Variants in MRE11 observed in about 807,000 individuals in gnomAD.
MRE11 encodes MRE11 double strand break repair nuclease.
In MRE11, 62 loss-of-function variants were observed where a neutral mutation model predicts 91.7. The ratio of observed to expected loss-of-function variants is 0.68; its 90% CI spans 0.55 to 0.84. MRE11 has a LOEUF of 0.84. Ranked by LOEUF, MRE11 falls within the 40% of genes least tolerant of loss-of-function variation. The pLI is 0.00. For missense variants in MRE11, 796 were observed against 852.9 expected, an observed-to-expected ratio of 0.93 and a Z score of 0.83; for synonymous variants, 273 against 271.4, an observed-to-expected ratio of 1.01 and a Z score of -0.06.
rs1475909022 is a variant in MRE11 at position 94,491,004 on chromosome 11, A to G, written c.21-39T>C. 4 of 1,162,638 alleles carry G rather than the reference A, an allele frequency of 3.4e-6. No homozygotes were observed. The Admixed American group carries it at 5.9e-5, about 17-fold the overall frequency. 72.0% of individuals were successfully genotyped at this position (1,162,638 alleles called of 1,614,324 possible). A position where few individuals can be genotyped will look rare whatever the true frequency, so the allele number is the denominator to read the frequency against. ...GAAGAAACATTTCAATATATTAATA[A>G]TTCATTAAAGGATATTCAAACAAAT... On this transcript the variant is annotated intron_variant, in intron 2 of 19. Transcript: ENST00000323929.
In MRE11 at chr11:94,464,574, AAAAC is replaced by A. The variant is rs201300891; in HGVS notation, c.1099-339_1099-336del. Among the ~76,000 whole-genome samples, 894 of 152,314 alleles carry A rather than the reference AAAAC, an allele frequency of 5.9e-3. 5 individuals carry two copies. The highest frequency in any genetic ancestry group is 0.019 in the African/African-American group (802 of 41,578). Reference sequence around the variant, plus strand: ...TCTGAAAACAATTTTCTGAACTTTCAAAACAAACAAACAAACAAACACACACCAA... The same window carrying A: ...TCTGAAAACAATTTTCTGAACTTTCAAAACAAACAAACAAACACACACCAA... On this transcript the variant is annotated intron_variant, in intron 10 of 19. Coordinates refer to ENST00000323929, the MANE Select transcript of MRE11 (RefSeq NM_005591.4).
At chr11:94,427,986 C>T (rs903511580) in intron 19 of MRE11, among the ~76,000 whole-genome samples, 4 of 152,098 alleles carry the variant, frequency 2.6e-5, no homozygotes, top group African/African-American at 4.8e-5. Flanking sequence ...ACAGATTCAA[C>T]GCTATCCCTA....
At chr11:94,512,383 C>T in the MRE11 span, 3 of 773,742 alleles carry the variant, frequency 3.9e-6, no homozygotes, top group African/African-American at 1.8e-5. Context: ...CTTTGGTGCG[C>T]GGAATACCTA....
chr11:94,454,209 G>T (rs2134958398), intron 14 of MRE11, among the ~76,000 whole-genome samples: 1 of 151,988 alleles, frequency 6.6e-6, no homozygotes, highest in East Asian at 1.9e-4. Flanking sequence ...GAGTAGCTGG[G>T]ACTACAGGTG....
At chr11:94,507,201 T>C in the MRE11 span, among the ~76,000 whole-genome samples, 42 of 152,348 alleles carry the variant, frequency 2.8e-4, no homozygotes, top group African/African-American at 8.7e-4. Flanking sequence ...CATTTAGTTT[T>C]GCCTACATAA....
chr11:94,435,980 G>A (rs1945599994), intron 17 of MRE11, 81 bp from the exon 18 acceptor site: 6 of 1,254,304 alleles, frequency 4.8e-6, no homozygotes, highest in Middle Eastern at 2.0e-4. Context: ...TGAATTACAC[G>A]ATTAAATCTT....
intron 9 of MRE11, among the ~76,000 whole-genome samples, chr11:94,469,302 G>T (rs2135032748): frequency 1.3e-5 from 2 of 152,140 alleles, no homozygotes; most frequent in African/African-American, 4.8e-5. Context: ...AGTTAGAAGG[G>T]GTACTACTGG....
rs1158072855 is a variant in MRE11, at chr11:94,437,165, T to C, written c.1926+12A>G. ...AATTATTAATACACAACCATAAAAC[T>C]TTTTTTCTTACCTCTGAATAATTCT... On this transcript the variant is annotated intron_variant, in intron 17 of 19. Coordinates refer to ENST00000323929, the MANE Select transcript of MRE11 (RefSeq NM_005591.4). The C allele has an allele frequency of 1.2e-6, 2 of 1,607,102 alleles. No homozygotes were observed. Among genetic ancestry groups the C allele is most frequent in the Admixed American group, 1.7e-5 (1 of 59,840 alleles).
At chr11:94,423,349 C>T (rs1945224165) in intron 19 of MRE11, among the ~76,000 whole-genome samples, 1 of 152,162 alleles carries the variant, frequency 6.6e-6, no homozygotes, top group Admixed American at 6.5e-5. Flanking sequence ...TTCCATGCCC[C>T]CTGGAGACGT....
chr11:94,492,899 T>C lies in MRE11; in HGVS notation c.-98A>G. 4 of 1,153,726 alleles carry C rather than the reference T, an allele frequency of 3.5e-6. No individual in the cohort carries two copies. The highest frequency in any genetic ancestry group is 4.0e-5 in the Admixed American group (2 of 50,468). 71.5% of individuals were successfully genotyped at this position (1,153,726 alleles called of 1,614,324 possible). A position where few individuals can be genotyped will look rare whatever the true frequency, so the allele number is the denominator to read the frequency against. On this transcript the variant is annotated 5_prime_UTR_variant, in exon 2 of 20. Transcript: ENST00000323929. ...AGAAAATGCACTCGATTCCAAATTC[T>C]AGAAATTCTAAAAACAAAATTACAT...
intron 19 of MRE11, among the ~76,000 whole-genome samples, chr11:94,422,493 TATC>T (rs376437179): frequency 1.9e-4 from 29 of 151,918 alleles, no homozygotes; most frequent in Middle Eastern, 3.4e-3. Flanking sequence ...GCTCTTGGGA[TATC>T]ATCATCATCA....
Position 94,478,860 on chromosome 11 carries a change from G to A in MRE11, c.419C>T (p.Ala140Val), listed in dbSNP as rs2135086113. The change falls in exon 6 of 20, where the codon GCC becomes GTC. Residue 140 changes from alanine to valine, a missense_variant. Ala to Val is a moderately conservative substitution (Grantham distance 64). Coordinates refer to ENST00000323929, the MANE Select transcript of MRE11 (RefSeq NM_005591.4). ...TCCAGCACAACTTAAAATGTCCAAG[G>A]CACAAAGTGCATCTGCCTATGCAAA... ...DDPTGADALC[A>V]LDILSCAGFV... 6.2e-7 allele frequency: 1 copy of A among 1,613,656 alleles called. No individual in the cohort carries two copies. The highest frequency in any genetic ancestry group is 8.5e-7 in the Non-Finnish European group (1 of 1,179,840).
chr11:94,494,510 C>T (rs557831597), upstream of MRE11, among the ~76,000 whole-genome samples: 5 of 152,246 alleles, frequency 3.3e-5, no homozygotes, highest in Admixed American at 2.6e-4. Context: ...TTTATAGCCC[C>T]GCCTATCACT....
intron 2 of MRE11, among the ~76,000 whole-genome samples, chr11:94,492,012 A>T (rs1317252775): frequency 6.6e-6 from 1 of 152,264 alleles, no homozygotes; most frequent in Non-Finnish European, 1.5e-5. Flanking sequence ...TATTCCAATT[A>T]TACCAATGGC....
intron 4 of MRE11, among the ~76,000 whole-genome samples, chr11:94,481,970 A>C (rs1025179593): frequency 6.6e-6 from 1 of 152,204 alleles, no homozygotes; most frequent in Non-Finnish European, 1.5e-5. Context: ...ATGCTATATA[A>C]ATGATATTCA....
chr11:94,497,375 A>G (rs947412824), upstream of MRE11: 2 of 249,680 alleles, frequency 8.0e-6, no homozygotes, highest in Non-Finnish European at 1.5e-5. Context: ...AGGATCATCG[A>G]AGTGGAATGA....
At chr11:94,454,490 A>C (rs545557223) in intron 14 of MRE11, among the ~76,000 whole-genome samples, 236 of 152,312 alleles carry the variant, frequency 1.5e-3, no homozygotes, top group Non-Finnish European at 2.9e-3. Context: ...ATGATTCTGC[A>C]AAGCTGTGAA....
Position 94,429,916 on chromosome 11 carries a change from T to G in MRE11, c.2065A>C (p.Ser689Arg), listed in dbSNP as rs1591633806. ...QVSKGVDFESSEDDDDDPFMN... is the reference protein window; with the variant it reads ...QVSKGVDFESREDDDDDPFMN... ...TAACAATATTACTTATTTACCTCAC[T>G]TGATTCAAAATCAACCCCTTTCGAT... is the stretch of plus-strand genomic sequence containing the variant. Residue 689 changes from serine (S) to arginine (R), a missense_variant, in exon 19 of 20, where the codon AGT (serine) becomes CGT (arginine). Ser to Arg is a moderately radical substitution (Grantham distance 110). Coordinates refer to ENST00000323929, the MANE Select transcript of MRE11 (RefSeq NM_005591.4). 1.9e-6 allele frequency: 3 copies of G among 1,612,802 alleles called. No homozygotes were observed. Among genetic ancestry groups the G allele is most frequent in the South Asian group, 1.1e-5 (1 of 90,938 alleles).
At chr11:94,465,833 A>G (rs1946546889) in intron 10 of MRE11, among the ~76,000 whole-genome samples, 1 of 152,226 alleles carries the variant, frequency 6.6e-6, no homozygotes, top group Non-Finnish European at 1.5e-5. Flanking sequence ...TCAATGTTCT[A>G]AGTATGCTGT....
Sources: gnomAD v4.1 joint callset for allele counts (sites outside exome capture counted in the v4.1 genomes callset) on GRCh38, gnomAD v4.1.1 for gene constraint, MANE v1.5 for transcripts, NCBI Gene and HGNC (gene_info 2026-07-23, HGNC 2026-07-21) for gene names.